The following IGF2BP3 variants were observed in gnomAD, a reference collection of about 807,000 sequenced individuals.
The protein encoded by IGF2BP3 is insulin like growth factor 2 mRNA binding protein 3.
Under a neutral mutation model 73.8 loss-of-function variants are expected in IGF2BP3, and 9 were observed. The ratio of observed to expected loss-of-function variants is 0.12; its 90% CI spans 0.07 to 0.21. The LOEUF (loss-of-function observed/expected upper bound fraction) is 0.21. Among genes scored for constraint, IGF2BP3 ranks in the 10% least tolerant of loss-of-function variants. The pLI, the probability that IGF2BP3 is intolerant of heterozygous loss-of-function variation, is 1.00. For synonymous variants in IGF2BP3, 258 were observed against 256.7 expected (o/e 1.01, Z -0.05); for missense variants, 542 against 714.0 (o/e 0.76, Z 2.75).
At chr7:23,409,124 G>C (rs1786937962) in intron 3 of IGF2BP3, among the ~76,000 whole-genome samples, 1 of 152,162 alleles carries the variant, frequency 6.6e-6, no homozygotes, top group Admixed American at 6.5e-5. Flanking sequence ...TCACTGATCT[G>C]TCAGGAGGTG....
chr7:23,450,391 T>C (rs936122171), intron 2 of IGF2BP3, among the ~76,000 whole-genome samples: 2 of 152,156 alleles, frequency 1.3e-5, no homozygotes, highest in Admixed American at 6.5e-5. Flanking sequence ...CAAAAAGGAA[T>C]AAAATGAGTC....
intron 2 of IGF2BP3, among the ~76,000 whole-genome samples, chr7:23,457,178 CA>C (rs1489816073): frequency 6.6e-6 from 1 of 151,954 alleles, no homozygotes; most frequent in East Asian, 1.9e-4. Context: ...AATTCTCAAC[CA>C]GGGGCTGAGT....
chr7:23,402,358 A>T (rs1786695766), intron 3 of IGF2BP3: 1 of 152,220 alleles, frequency 6.6e-6, no homozygotes, highest in African/African-American at 2.4e-5. Context: ...AGCTTGAGTT[A>T]TGCCTGTTAA....
intron 3 of IGF2BP3, among the ~76,000 whole-genome samples, chr7:23,393,068 T>G (rs1172177462): frequency 6.6e-6 from 1 of 152,170 alleles, no homozygotes; most frequent in African/African-American, 2.4e-5. Flanking sequence ...CAAGTCTCAT[T>G]AGCGTCCTTG....
chr7:23,374,509 T>C (rs1023377048), intron 3 of IGF2BP3, among the ~76,000 whole-genome samples: 1 of 151,928 alleles, frequency 6.6e-6, no homozygotes, highest in Non-Finnish European at 1.5e-5. Flanking sequence ...AGACCCCATC[T>C]CTACAAAAAT....
intron 2 of IGF2BP3, among the ~76,000 whole-genome samples, chr7:23,443,316 G>A (rs1787980908): frequency 1.3e-5 from 2 of 151,704 alleles, no homozygotes; most frequent in South Asian, 2.1e-4. Context: ...GTAGAGACAG[G>A]GTTTCTTCAT....
Position 23,319,144 on chromosome 7 carries a change from T to C in IGF2BP3, c.1314A>G (p.Ser438=). 1.9e-6 allele frequency: 3 copies of C among 1,608,424 alleles called. No homozygotes were observed. The highest frequency in any genetic ancestry group is 2.6e-6 in the Non-Finnish European group (3 of 1,175,454). ...ACAGCTGGTAGAACAGTACCTTAATTGAAGCTCCAGCAAAGCGAGAAAGCT... is the reference window on the plus strand; with the variant it reads ...ACAGCTGGTAGAACAGTACCTTAATCGAAGCTCCAGCAAAGCGAGAAAGCT... ...IKQLSRFAGA[S]IKIAPAEAPD... The change falls in exon 11 of 15, where the codon TCA becomes TCG. Residue 438 remains serine, a synonymous_variant. Transcript: ENST00000258729.
At chr7:23,320,552 C>A (rs1292296035) in intron 10 of IGF2BP3, among the ~76,000 whole-genome samples, 2 of 150,558 alleles carry the variant, frequency 1.3e-5, no homozygotes, top group Non-Finnish European at 2.9e-5. Context: ...GAGAAAAACA[C>A]TTCCAAGGAT....
intron 2 of IGF2BP3, among the ~76,000 whole-genome samples, chr7:23,453,612 A>T (rs922522371): frequency 6.6e-6 from 1 of 152,216 alleles, no homozygotes; most frequent in Non-Finnish European, 1.5e-5. Flanking sequence ...GTTGTTTTCC[A>T]TAACACTTAG....
intron 10 of IGF2BP3, among the ~76,000 whole-genome samples, chr7:23,322,678 C>G (rs1042582818): frequency 9.9e-5 from 15 of 152,134 alleles, no homozygotes; most frequent in African/African-American, 3.6e-4. Flanking sequence ...AGAGAAAGGT[C>G]GGGTTACCCA....
At chr7:23,313,960 A>G (rs1016735609) in intron 12 of IGF2BP3, among the ~76,000 whole-genome samples, 4 of 152,240 alleles carry the variant, frequency 2.6e-5, no homozygotes. Flanking sequence ...GCAAATGGCC[A>G]TTCGTACTAA....
At chr7:23,319,031 C>T (rs1784066219) in intron 11 of IGF2BP3, 107 bp downstream of exon 11, 4 of 765,586 alleles carry the variant, frequency 5.2e-6, no homozygotes, top group South Asian at 5.1e-5. Context: ...CCTTATGTAA[C>T]CCTAACAGTG....
rs35723715 is a variant in IGF2BP3, at chr7:23,388,607, CTTTT to C, written c.286-26870_286-26867del. ...TATGCAGATGAGTGGTCTTCTCCATCTTTTTTTTTTTTTTTTTTTTTCCAGTCCA... is the reference window on the plus strand; with the variant it reads ...TATGCAGATGAGTGGTCTTCTCCATCTTTTTTTTTTTTTTTTTCCAGTCCA... On this transcript the variant is annotated intron_variant, in intron 3 of 14. Transcript: ENST00000258729. 2.7e-4 allele frequency among the ~76,000 whole-genome samples: 34 copies of C among 124,020 alleles called. 1 individual carries two copies. Among genetic ancestry groups the C allele is most frequent in the Non-Finnish European group, 4.4e-4 (26 of 59,680 alleles). 81.4% of individuals were successfully genotyped at this position (124,020 alleles called of 152,430 possible). A position where few individuals can be genotyped will look rare whatever the true frequency, so the allele number is the denominator to read the frequency against.
intron 3 of IGF2BP3, among the ~76,000 whole-genome samples, chr7:23,369,263 G>C (rs1433394130): frequency 6.6e-6 from 1 of 152,084 alleles, no homozygotes; most frequent in East Asian, 1.9e-4. Context: ...ACCAAATTAA[G>C]AAGTGGACAC....
At chr7:23,360,534 A>G (rs1269996224) in intron 5 of IGF2BP3, among the ~76,000 whole-genome samples, 1 of 152,218 alleles carries the variant, frequency 6.6e-6, no homozygotes, top group Non-Finnish European at 1.5e-5. Context: ...CAAATCTTTT[A>G]TATTTTGAAC....
chr7:23,375,145 A>C (rs192641178), intron 3 of IGF2BP3, among the ~76,000 whole-genome samples: 1 of 152,328 alleles, frequency 6.6e-6, no homozygotes, highest in Non-Finnish European at 1.5e-5. Context: ...ATGCCTCAGA[A>C]TGTAGCAATT....
intron 3 of IGF2BP3, among the ~76,000 whole-genome samples, chr7:23,388,702 AG>A (rs1470100498): frequency 6.6e-6 from 1 of 151,642 alleles, no homozygotes; most frequent in African/African-American, 2.4e-5. Flanking sequence ...CTTTAGTTAA[AG>A]TAAGGAATTT....
At chr7:23,409,361 C>G (rs993447287) in intron 3 of IGF2BP3, among the ~76,000 whole-genome samples, 18 of 152,132 alleles carry the variant, frequency 1.2e-4, no homozygotes, top group South Asian at 6.2e-4. Context: ...TATTGCAATC[C>G]CAATAAACAT....
intron 3 of IGF2BP3, among the ~76,000 whole-genome samples, chr7:23,398,176 C>T (rs1786538598): frequency 6.6e-6 from 1 of 150,454 alleles, no homozygotes; most frequent in Non-Finnish European, 1.5e-5. Flanking sequence ...GGTTTTTTGT[C>T]CTTGCGATAG....
Sources: allele counts gnomAD v4.1 joint callset (sites outside exome capture counted in the v4.1 genomes callset), GRCh38; gene constraint gnomAD v4.1.1; transcripts MANE v1.5; gene names NCBI Gene and HGNC (gene_info 2026-07-23, HGNC 2026-07-21).